The following TTC16 variants were observed in gnomAD, a reference collection of about 807,000 sequenced individuals.
TTC16 encodes tetratricopeptide repeat protein 16.
Under a neutral mutation model 80.4 loss-of-function variants are expected in TTC16, and 66 were observed. The observed-to-expected ratio is 0.82, with a 90% CI of 0.67 to 1.01. The LOEUF (loss-of-function observed/expected upper bound fraction) is 1.01. Ranked by LOEUF, TTC16 falls within the 50% of genes least tolerant of loss-of-function variation. The probability of loss-of-function intolerance (pLI) is 0.00; values close to 1 mark genes in which losing one functional copy is unlikely to be tolerated. For synonymous variants in TTC16, 438 were observed against 451.3 expected (o/e 0.97, Z 0.37); for missense variants, 1,070 against 1,103.2 (o/e 0.97, Z 0.43).
intron 12 of TTC16, chr9:127,728,114 C>T (rs1433586142): frequency 2.6e-5 from 4 of 152,198 alleles, no homozygotes; most frequent in African/African-American, 4.8e-5. Context: ...TCATAAGTAC[C>T]GGTTTGATGA....
At position 127,717,673 on chromosome 9, in the gene TTC16, T is replaced by C; in HGVS notation, c.327T>C (p.Cys109=). The change falls in exon 4 of 14, where the codon TGT becomes TGC. Residue 109 remains cysteine (C), a synonymous_variant. Transcript: ENST00000373289. ...GGGCTGAGGCCTACCTCCAGCTCTG[T>C]GACTTCTCCTCGGCCGCCCAGAACC... The part of the protein sequence containing the change: ...ALRAEAYLQL[C]DFSSAAQNLR... 6.2e-7 allele frequency: 1 copy of C among 1,614,056 alleles called. No individual in the cohort carries two copies. Among genetic ancestry groups the C allele is most frequent in the East Asian group, 2.2e-5 (1 of 44,884 alleles).
At position 127,729,659 on chromosome 9, in the gene TTC16, A is replaced by G. The variant is rs1475089958; in HGVS notation, c.1843A>G (p.Ser615Gly). Residue 615 changes from serine (S) to glycine (G), a missense_variant, in exon 13 of 14, where the codon AGC becomes GGC. Ser to Gly is a moderately conservative substitution (Grantham distance 56, BLOSUM62 0). Transcript: ENST00000373289. ...SYLDQTSSASSMSFRTTGTSE... is the reference protein window; with the variant it reads ...SYLDQTSSASGMSFRTTGTSE... The stretch of plus-strand genomic sequence containing the variant: ...CCTTGACCAGACCTCTTCAGCCTCC[A>G]GCATGAGCTGTAAGTCCCTGGTGCT... 3.1e-6 allele frequency: 5 copies of G among 1,613,542 alleles called. No individual in the cohort carries two copies. Among genetic ancestry groups the G allele is most frequent in the Non-Finnish European group, 4.2e-6 (5 of 1,179,970 alleles).
chr9:127,721,012 C>T (rs1258229037), intron 6 of TTC16, among the ~76,000 whole-genome samples: 2 of 145,926 alleles, frequency 1.4e-5, no homozygotes, highest in East Asian at 4.1e-4. Context: ...CTCAATGAAT[C>T]ATCCCTACTC....
rs370513387 is a variant in TTC16, at chr9:127,731,123, C to T, written c.2340C>T (p.Gly780=). 28 of 1,611,432 alleles carry T rather than the reference C, an allele frequency of 1.7e-5. No individual in the cohort carries two copies. In the African/African-American group the frequency reaches 3.3e-4, roughly 19 times the overall value. The change falls in exon 14 of 14, where the codon GGC becomes GGT. Residue 780 remains glycine (G), a synonymous_variant. Coordinates refer to ENST00000373289, the MANE Select transcript of TTC16 (RefSeq NM_144965.3). ...CCAGAAAGGTCAAGGCTGCTCGTGG[C>T]CGGAGCTGGAGACCCAGCAAGGTTG... ...QRPRKVKAAR[G]RSWRPSKVDA...
chr9:127,729,721 T>G, intron 13 of TTC16, 53 bp downstream of exon 13: 1 of 1,560,662 alleles, frequency 6.4e-7, no homozygotes. Flanking sequence ...AGCAGGGTAG[T>G]CAAAGCTCAG....
chr9:127,720,740 A>G (rs1005851827), intron 6 of TTC16, among the ~76,000 whole-genome samples: 30 of 147,496 alleles, frequency 2.0e-4, no homozygotes, highest in African/African-American at 7.6e-4. Context: ...CTTTAGCCAC[A>G]ATCCTCTGAA....
chr9:127,717,394 C>T lies in TTC16; in HGVS notation c.252C>T (p.Phe84=). 1 of 1,613,362 alleles carries T rather than the reference C, an allele frequency of 6.2e-7. No homozygotes were observed. Among genetic ancestry groups the T allele is most frequent in the Non-Finnish European group, 8.5e-7 (1 of 1,179,998 alleles). The change falls in exon 3 of 14, where the codon TTC becomes TTT. Residue 84 remains phenylalanine, a synonymous_variant. Transcript: ENST00000373289. ...QADWETAVLL[F]SRALHLDPQL... ...ACTGGGAGACAGCTGTGCTGCTCTT[C>T]TCCCGCGCACTCCACCTGGACCCAC...
In TTC16 at chr9:127,718,978, C is replaced by T. The variant is rs1050098424; in HGVS notation, c.427-1100C>T. On this transcript the variant is annotated intron_variant, in intron 4 of 13. Coordinates refer to ENST00000373289, the MANE Select transcript of TTC16 (RefSeq NM_144965.3). The surrounding 1 kb of genome is among the most constrained non-coding windows in gnomAD (Gnocchi z 4.6). ...CTGTAATCCCAGCACTTTGGGAGGC[C>T]GAGTTGGGCGGATCATGAGGTCAGG... is the stretch of plus-strand genomic sequence containing the variant. 3.3e-5 allele frequency among the ~76,000 whole-genome samples: 5 copies of T among 151,308 alleles called. No homozygotes were observed. Among genetic ancestry groups the T allele is most frequent in the African/African-American group, 1.2e-4 (5 of 41,272 alleles).
In TTC16 at chr9:127,723,168, A is replaced by G. The variant is rs1434345377; in HGVS notation, c.707A>G (p.Lys236Arg). The change falls in exon 7 of 14, where the codon AAG (lysine) becomes AGG (arginine). Residue 236 changes from lysine to arginine, a missense_variant. Lys to Arg is a conservative substitution (Grantham distance 26, BLOSUM62 2). Transcript: ENST00000373289. ...CACAGCGCCTTGCTGTTGAATCCCAAGCACCCGCAGGCCAGGATGCTGCTC... is the reference window on the plus strand; with the variant it reads ...CACAGCGCCTTGCTGTTGAATCCCAGGCACCCGCAGGCCAGGATGCTGCTC... ...DLHSALLLNP[K>R]HPQARMLLQK... 1 of 1,612,726 alleles carries G rather than the reference A, an allele frequency of 6.2e-7. No homozygotes were observed. Among genetic ancestry groups the G allele is most frequent in the Non-Finnish European group, 8.5e-7 (1 of 1,180,014 alleles).
intron 13 of TTC16, chr9:127,730,354 G>T: frequency 4.0e-6 from 2 of 497,086 alleles, no homozygotes; most frequent in Non-Finnish European, 7.2e-6. Context: ...GGCCCTGCTG[G>T]GGCTGTCTGC....
intron 6 of TTC16, 111 bp from the exon 7 acceptor site, chr9:127,723,008 T>C (rs1843623217): frequency 9.8e-7 from 1 of 1,015,322 alleles, no homozygotes. Flanking sequence ...CATGGAGGGA[T>C]GTGAGGGGCA....
rs1481534252 is a variant in TTC16 at position 127,722,507 on chromosome 9, G to A, written c.658-612G>A. Among the ~76,000 whole-genome samples, 2 of 152,082 alleles carry A rather than the reference G, an allele frequency of 1.3e-5. No homozygotes were observed. Among genetic ancestry groups the A allele is most frequent in the Admixed American group, 6.6e-5 (1 of 15,260 alleles). On this transcript the variant is annotated intron_variant, in intron 6 of 13. Transcript: ENST00000373289. The surrounding 1 kb of genome is among the most constrained non-coding windows in gnomAD (Gnocchi z 4.2). The stretch of plus-strand genomic sequence containing the variant: ...ACAGTCAGGAGGTCACATGCTCCCC[G>A]CACCTTGAGTGGGCTTCACAGAGGC...
At position 127,724,412 on chromosome 9, in the gene TTC16, G is replaced by A. The variant is rs533582120; in HGVS notation, c.1117+48G>A. 5.4e-5 allele frequency: 87 copies of A among 1,601,136 alleles called. No individual in the cohort carries two copies. In the East Asian group the frequency reaches 1.2e-3, roughly 21 times the overall value. The stretch of plus-strand genomic sequence containing the variant: ...GGGAGGGGGGGTGCGGGGGAGCCTC[G>A]CCATCTCTAAGGCCCCCACTGGGCA... On this transcript the variant is annotated intron_variant, in intron 8 of 13. Transcript: ENST00000373289.
At chr9:127,721,019 A>C in intron 6 of TTC16, among the ~76,000 whole-genome samples, 1 of 132,432 alleles carries the variant, frequency 7.6e-6, no homozygotes. Flanking sequence ...AATCATCCCT[A>C]CTCCTGACCA....
At chr9:127,721,791 C>T (rs77051792) in intron 6 of TTC16, among the ~76,000 whole-genome samples, 2,130 of 152,132 alleles carry the variant, frequency 0.014, 53 homozygotes, top group African/African-American at 0.05. Flanking sequence ...ACAACCTCTA[C>T]CGGGAGGTTC....
intron 4 of TTC16, among the ~76,000 whole-genome samples, chr9:127,719,206 GTC>G: frequency 6.7e-6 from 1 of 149,122 alleles, no homozygotes; most frequent in East Asian, 2.0e-4. Context: ...ACAAGATGCT[GTC>G]TCAAAAAAAA....
chr9:127,721,799 T>C (rs1357350347), intron 6 of TTC16, among the ~76,000 whole-genome samples: 2 of 151,982 alleles, frequency 1.3e-5, no homozygotes, highest in Non-Finnish European at 2.9e-5. Flanking sequence ...TACCGGGAGG[T>C]TCAGGCAATT....
intron 4 of TTC16, 54 bp downstream of exon 4, chr9:127,717,826 G>C: frequency 6.4e-7 from 1 of 1,563,048 alleles, no homozygotes. Flanking sequence ...CTTCTCAGGG[G>C]CTCTCCTGGC....
At position 127,717,719 on chromosome 9, in the gene TTC16, C is replaced by T. The variant is rs769367100; in HGVS notation, c.373C>T (p.Gln125Ter). The part of the protein sequence containing the change: ...AQNLRRAYSL[Q>*]QDNCKHLERL... ...GAACCTGCGAAGGGCCTACTCATTA[C>T]AGCAGGACAACTGCAAGCACCTGGA... Residue 125 changes from glutamine to a stop codon, truncating the protein, a stop_gained, in exon 4 of 14, where the codon CAG becomes TAG. Coordinates refer to ENST00000373289, the MANE Select transcript of TTC16 (RefSeq NM_144965.3). LOFTEE classifies it high-confidence loss of function. The T allele has an allele frequency of 1.5e-5, 25 of 1,613,906 alleles. No homozygotes were observed. The highest frequency in any genetic ancestry group is 1.6e-4 in the Middle Eastern group (1 of 6,084).
Sources: gnomAD v4.1 joint callset for allele counts (sites outside exome capture counted in the v4.1 genomes callset) on GRCh38, gnomAD v4.1.1 for gene constraint, Gnocchi (gnomAD v3.1) non-coding constraint, MANE v1.5 for transcripts, NCBI Gene and HGNC (gene_info 2026-07-23, HGNC 2026-07-21) for gene names.